Variants in RASSF6 observed in about 807,000 individuals in gnomAD.
RASSF6 encodes Ras association domain family member 6, also known as ras association domain-containing protein 6.
Under a neutral mutation model 44.0 loss-of-function variants are expected in RASSF6, and 52 were observed. The observed-to-expected ratio is 1.18, with a 90% confidence interval of 0.95 to 1.49. The LOEUF is 1.49. Ranked by LOEUF, RASSF6 falls within the 40% of genes most tolerant of loss-of-function variation. The pLI is 0.00. For missense variants in RASSF6, 464 were observed against 393.3 expected, an observed-to-expected ratio of 1.18 and a Z score of -1.52; for synonymous variants, 162 against 124.6, an observed-to-expected ratio of 1.30 and a Z score of -2.00.
chr4:73,597,528 G>A (rs767218771), intron 3 of RASSF6, among the ~76,000 whole-genome samples: 1 of 152,124 alleles, frequency 6.6e-6, no homozygotes, highest in Admixed American at 6.5e-5. Context: ...GCTGGGGAGT[G>A]TAAATTAATC....
At chr4:73,593,385 T>C (rs1221078453) in intron 4 of RASSF6, 66 bp downstream of exon 4, 2 of 1,421,444 alleles carry the variant, frequency 1.4e-6, no homozygotes, top group Non-Finnish European at 1.9e-6. Context: ...TCCTTAAGAG[T>C]GCACGCAATA....
At chr4:73,603,816 T>C (rs1181603963) in intron 2 of RASSF6, among the ~76,000 whole-genome samples, 6 of 152,234 alleles carry the variant, frequency 3.9e-5, no homozygotes, top group Non-Finnish European at 8.8e-5. Flanking sequence ...TATCCATAGA[T>C]AGAGTGGATG....
chr4:73,585,332 G>A lies in RASSF6; in HGVS notation c.415C>T (p.Pro139Ser), dbSNP rs1415898377. 1.2e-6 allele frequency: 2 copies of A among 1,603,178 alleles called. No homozygotes were observed. Among genetic ancestry groups the A allele is most frequent in the Non-Finnish European group, 1.7e-6 (2 of 1,175,590 alleles). The part of the protein sequence containing the change: ...YLSYHSNTLK[P>S]HAKDEPDSPV... Reference sequence around the variant, plus strand: ...GAGTCTGGTTCATCCTTTGCATGTGGCTTCAGGGTGTTGCTGTGATAAGAT... The same window carrying A: ...GAGTCTGGTTCATCCTTTGCATGTGACTTCAGGGTGTTGCTGTGATAAGAT... The change falls in exon 6 of 11, where the codon CCA becomes TCA. Residue 139 changes from proline to serine, a missense_variant. Transcript: ENST00000307439.
intron 2 of RASSF6, among the ~76,000 whole-genome samples, chr4:73,605,440 G>A (rs1475264421): frequency 1.3e-5 from 2 of 152,146 alleles, no homozygotes; most frequent in Non-Finnish European, 2.9e-5. Context: ...TTTGAATCCT[G>A]GAATTAAAAT....
rs114463230 is a variant in RASSF6 at position 73,578,071 on chromosome 4, T to G, written c.722-1340A>C. 4.0e-3 allele frequency among the ~76,000 whole-genome samples: 613 copies of G among 152,350 alleles called. 5 individuals carry two copies. Among genetic ancestry groups the G allele is most frequent in the African/African-American group, 0.014 (590 of 41,580 alleles). On this transcript the variant is annotated intron_variant, in intron 8 of 10. Transcript: ENST00000307439. Reference sequence around the variant, plus strand: ...TCTGCAGTTATGGATATATGCAAAATTTTGACACAAAATATAAAAGAAAAT... The same window carrying G: ...TCTGCAGTTATGGATATATGCAAAAGTTTGACACAAAATATAAAAGAAAAT...
At chr4:73,606,327 T>C (rs1201990226) in intron 2 of RASSF6, among the ~76,000 whole-genome samples, 1 of 152,148 alleles carries the variant, frequency 6.6e-6, no homozygotes, top group Non-Finnish European at 1.5e-5. Flanking sequence ...GAAAATCAAA[T>C]ATTGTATATT....
intron 1 of RASSF6, among the ~76,000 whole-genome samples, chr4:73,617,114 T>C (rs538302118): frequency 6.6e-6 from 1 of 152,306 alleles, no homozygotes; most frequent in South Asian, 2.1e-4. Flanking sequence ...TTAAGTAATA[T>C]TGGTTGCAGT....
In RASSF6 at chr4:73,575,907, AG is replaced by A. The variant is rs1198921831; in HGVS notation, c.*327del. On this transcript the variant is annotated 3_prime_UTR_variant, in exon 11 of 11. Transcript: ENST00000307439. ...TTGATTATGTTTCAGTTCTCTTGAGAGTCCAAGCTAAATGAAGTTTAAACTG... is the reference window on the plus strand; with the variant it reads ...TTGATTATGTTTCAGTTCTCTTGAGATCCAAGCTAAATGAAGTTTAAACTG... 3.4e-5 allele frequency: 6 copies of A among 177,570 alleles called. No homozygotes were observed. Among genetic ancestry groups the A allele is most frequent in the Non-Finnish European group, 7.0e-5 (6 of 85,574 alleles). The allele number at this position is 177,570 out of a possible 1,614,324, so 11.0% of individuals were successfully genotyped here. A position where few individuals can be genotyped will look rare whatever the true frequency, so the allele number is the denominator to read the frequency against.
chr4:73,578,712 G>A (rs1233769681), intron 8 of RASSF6, among the ~76,000 whole-genome samples: 2 of 150,880 alleles, frequency 1.3e-5, no homozygotes, highest in East Asian at 3.9e-4. Flanking sequence ...GAGTTCAAGC[G>A]ATTCTCCTGT....
intron 8 of RASSF6, 149 bp downstream of exon 8, chr4:73,581,668 A>G (rs922032210): frequency 9.7e-6 from 5 of 516,116 alleles, no homozygotes; most frequent in African/African-American, 5.9e-5. Context: ...TGGACTATAG[A>G]TAATGTTCTA....
intron 2 of RASSF6, among the ~76,000 whole-genome samples, chr4:73,602,599 G>A (rs1046477787): frequency 1.4e-5 from 2 of 147,206 alleles, no homozygotes; most frequent in Admixed American, 6.8e-5. Context: ...CCTGTTACAT[G>A]CGGACCCCCT....
chr4:73,593,547 C>T lies in RASSF6; in HGVS notation c.191G>A (p.Trp64Ter), dbSNP rs201386921. 9.9e-6 allele frequency: 16 copies of T among 1,613,490 alleles called. No homozygotes were observed. The African/African-American group carries it at 1.6e-4, about 16-fold the overall frequency. The stretch of plus-strand genomic sequence containing the variant: ...TAGCTGTATAGGTCGTTTTACTCCC[C>T]AGAAAATGTCCAGCATTCCTTCAAC... Reference protein sequence around the residue: ...LIVEGMLDIFWGVKRPIQLKI... With the variant: ...LIVEGMLDIF The change falls in exon 4 of 11, where the codon TGG becomes TAG. Residue 64 changes from tryptophan (W) to a stop codon, truncating the protein, a stop_gained. Transcript: ENST00000307439. LOFTEE classifies it high-confidence loss of function.
intron 8 of RASSF6, among the ~76,000 whole-genome samples, chr4:73,577,236 T>C (rs1723294223): frequency 1.3e-5 from 2 of 152,182 alleles, no homozygotes; most frequent in African/African-American, 2.4e-5. Context: ...AATATTCTTA[T>C]TATTCATTCA....
intron 1 of RASSF6, chr4:73,615,992 A>G: frequency 1.4e-6 from 2 of 1,444,874 alleles, no homozygotes; most frequent in Non-Finnish European, 1.9e-6. Context: ...CTGTTATCCA[A>G]CCATGAGTTA....
chr4:73,577,715 G>A (rs2149362056), intron 8 of RASSF6, among the ~76,000 whole-genome samples: 1 of 152,238 alleles, frequency 6.6e-6, no homozygotes, highest in Admixed American at 6.5e-5. Context: ...CCACCCACCA[G>A]AATCCTCTTT....
chr4:73,593,557 C>A lies in RASSF6; in HGVS notation c.181G>T (p.Asp61Tyr). 1 of 1,613,386 alleles carries A rather than the reference C, an allele frequency of 6.2e-7. No homozygotes were observed. Among genetic ancestry groups the A allele is most frequent in the Non-Finnish European group, 8.5e-7 (1 of 1,179,706 alleles). ...DGKLIVEGML[D>Y]IFWGVKRPIQ... Reference sequence around the variant, plus strand: ...GGTCGTTTTACTCCCCAGAAAATGTCCAGCATTCCTTCAACAATTAGTTTG... The same window carrying A: ...GGTCGTTTTACTCCCCAGAAAATGTACAGCATTCCTTCAACAATTAGTTTG... The change falls in exon 4 of 11, where the codon GAC becomes TAC. Residue 61 changes from aspartate to tyrosine, a missense_variant. By Grantham distance (160) the Asp-to-Tyr change is radical. Coordinates refer to ENST00000307439, the MANE Select transcript of RASSF6 (RefSeq NM_177532.5).
At chr4:73,586,246 C>T (rs1428442520) in intron 5 of RASSF6, among the ~76,000 whole-genome samples, 3 of 151,840 alleles carry the variant, frequency 2.0e-5, no homozygotes, top group Non-Finnish European at 2.9e-5. Flanking sequence ...GACTTTTTCA[C>T]TTAGTTGTCC....
At position 73,593,401 on chromosome 4, in the gene RASSF6, A is replaced by G. The variant is rs931401116; in HGVS notation, c.287+50T>C. 1.3e-5 allele frequency: 20 copies of G among 1,542,018 alleles called. No homozygotes were observed. The East Asian group carries it at 3.9e-4, about 30-fold the overall frequency. On this transcript the variant is annotated intron_variant, in intron 4 of 10. Coordinates refer to ENST00000307439, the MANE Select transcript of RASSF6 (RefSeq NM_177532.5). ...CCTTAAGAGTGCACGCAATAAAACT[A>G]GATATGAAGATCATCTTCTGAGGAA...
Position 73,593,475 on chromosome 4 carries a change from G to A in RASSF6, c.263C>T (p.Ser88Leu), listed in dbSNP as rs769910089. ...KPFSSFTSMK[S>L]SDVFSSKGMT... ...CCCTTTGCTGGAGAAGACGTCTGAT[G>A]ACTTCATACTAGTAAAAGAAGAGAA... Residue 88 changes from serine to leucine, a missense_variant, in exon 4 of 11, where the codon TCA (serine) becomes TTA (leucine). Physicochemically the swap from Ser to Leu is moderately radical, Grantham distance 145. Coordinates refer to ENST00000307439, the MANE Select transcript of RASSF6 (RefSeq NM_177532.5). The A allele has an allele frequency of 6.2e-7, 1 of 1,609,906 alleles. No homozygotes were observed. The highest frequency in any genetic ancestry group is 1.1e-5 in the South Asian group (1 of 89,674).
Sources: allele counts gnomAD v4.1 joint callset (sites outside exome capture counted in the v4.1 genomes callset), GRCh38; gene constraint gnomAD v4.1.1; transcripts MANE v1.5; gene names NCBI Gene and HGNC (gene_info 2026-07-23, HGNC 2026-07-21).